The following NEBL variants were observed in gnomAD, a reference collection of about 807,000 sequenced individuals.
NEBL encodes the protein nebulette.
NEBL carries 122 observed loss-of-function variants against 140.2 expected under a neutral mutation model. The ratio of observed to expected loss-of-function variants is 0.87; its 90% confidence interval spans 0.75 to 1.01. The LOEUF is 1.01. NEBL is among the 50% of genes least tolerant of loss of function. NEBL has a pLI of 0.00. For synonymous variants in NEBL, 436 were observed against 398.9 expected, an observed-to-expected ratio of 1.09 and a Z score of -1.11; for missense variants, 1,365 against 1,231.3, an observed-to-expected ratio of 1.11 and a Z score of -1.62.
chr10:21,202,146 T>G (rs1440959066), intron 3 of NEBL, among the ~76,000 whole-genome samples: 1 of 152,132 alleles, frequency 6.6e-6, no homozygotes, highest in Admixed American at 6.5e-5. Flanking sequence ...ATCTGCCCTA[T>G]GCACCCCACA....
At chr10:21,044,578 GA>G (rs1381975703) in intron 2 of NEBL, among the ~76,000 whole-genome samples, 2 of 152,136 alleles carry the variant, frequency 1.3e-5, no homozygotes, top group East Asian at 3.9e-4. Flanking sequence ...TAAAAGAAGA[GA>G]AAATAAATTC....
chr10:21,140,789 CG>C (rs1471608513), intron 2 of NEBL, among the ~76,000 whole-genome samples: 1 of 151,796 alleles, frequency 6.6e-6, no homozygotes, highest in African/African-American at 2.4e-5. Context: ...GGGGGCCTGT[CG>C]GGGAGTGGAG....
At chr10:20,886,805 G>C (rs1465854264) in intron 4 of NEBL, among the ~76,000 whole-genome samples, 1 of 152,148 alleles carries the variant, frequency 6.6e-6, no homozygotes, top group Non-Finnish European at 1.5e-5. Flanking sequence ...GAAATGCATA[G>C]AACAACTTCT....
chr10:21,289,288 G>A (rs1190454590), intron 1 of NEBL, among the ~76,000 whole-genome samples: 5 of 152,158 alleles, frequency 3.3e-5, no homozygotes, highest in African/African-American at 1.2e-4. Context: ...AGCTGGGTAT[G>A]AGAGGAGCAA....
chr10:21,267,218 C>T (rs562997973), intron 1 of NEBL, among the ~76,000 whole-genome samples: 17 of 151,450 alleles, frequency 1.1e-4, no homozygotes, highest in East Asian at 3.9e-4. Context: ...TCAGGTGATC[C>T]GCCCACCTCG....
chr10:20,819,865 C>T (rs1014622339), intron 19 of NEBL, among the ~76,000 whole-genome samples: 1 of 152,096 alleles, frequency 6.6e-6, no homozygotes, highest in Non-Finnish European at 1.5e-5. Context: ...GCTGGGATTA[C>T]AGGTGTGAGC....
At chr10:21,042,562 A>G (rs1445751171) in intron 2 of NEBL, among the ~76,000 whole-genome samples, 1 of 152,234 alleles carries the variant, frequency 6.6e-6, no homozygotes, top group Non-Finnish European at 1.5e-5. Flanking sequence ...CATCTCTTGT[A>G]TCTGTAAGGG....
chr10:20,975,627 G>C (rs960695417), intron 3 of NEBL, among the ~76,000 whole-genome samples: 34 of 152,038 alleles, frequency 2.2e-4, no homozygotes, highest in African/African-American at 8.0e-4. Flanking sequence ...CGAAACCCAC[G>C]TCAAGATGAG....
At chr10:21,280,988 G>C (rs1365963688) in intron 1 of NEBL, among the ~76,000 whole-genome samples, 1 of 152,122 alleles carries the variant, frequency 6.6e-6, no homozygotes, top group African/African-American at 2.4e-5. Context: ...TGTATAGGAT[G>C]GTAGAGAAAT....
At chr10:21,122,927 G>A (rs1386860270) in intron 2 of NEBL, among the ~76,000 whole-genome samples, 1 of 152,154 alleles carries the variant, frequency 6.6e-6, no homozygotes, top group Admixed American at 6.5e-5. Flanking sequence ...AAGTTCTGTA[G>A]GATCAAGAAT....
At chr10:21,065,719 AGTCTTTAATCCT>A (rs972665693) in intron 2 of NEBL, among the ~76,000 whole-genome samples, 3 of 152,278 alleles carry the variant, frequency 2.0e-5, no homozygotes, top group Admixed American at 2.0e-4. Flanking sequence ...ACTCTATATT[AGTCTTTAATCCT>A]GCAGCTGAAA....
At chr10:20,873,723 T>C (rs1283622223) in intron 5 of NEBL, among the ~76,000 whole-genome samples, 2 of 152,182 alleles carry the variant, frequency 1.3e-5, no homozygotes, top group East Asian at 3.8e-4. Context: ...CTCATCTATT[T>C]CATTTATTTT....
At chr10:21,196,116 GC>G (rs2132221615) in intron 3 of NEBL, among the ~76,000 whole-genome samples, 1 of 152,116 alleles carries the variant, frequency 6.6e-6, no homozygotes, top group East Asian at 1.9e-4. Flanking sequence ...TGATTCTCCT[GC>G]CTCAGCCTCC....
At chr10:21,013,713 AC>A (rs1201293958) in intron 3 of NEBL, among the ~76,000 whole-genome samples, 1 of 152,192 alleles carries the variant, frequency 6.6e-6, no homozygotes, top group Non-Finnish European at 1.5e-5. Flanking sequence ...CCCCATCTCT[AC>A]TAAAAATACA....
In NEBL at chr10:20,941,199, C is replaced by T. The variant is rs370827941; in HGVS notation, c.357+20473G>A. ...GCAAAAATCCTCAATAAAATACTGG[C>T]AAACCAAATCCAGCAGCACTTCAAA... On this transcript the variant is annotated intron_variant, in intron 4 of 6. Coordinates refer to the NEBL transcript ENST00000417816. 1.8e-3 allele frequency among the ~76,000 whole-genome samples: 268 copies of T among 152,312 alleles called. 9 individuals are homozygous for T. The East Asian group carries it at 0.044, about 25-fold the overall frequency.
intron 2 of NEBL, among the ~76,000 whole-genome samples, chr10:21,119,484 A>T (rs61188943): frequency 1.4e-5 from 2 of 145,608 alleles, no homozygotes; most frequent in Non-Finnish European, 3.0e-5. Flanking sequence ...TAGTTATATT[A>T]ATATACTGAA....
intron 3 of NEBL, among the ~76,000 whole-genome samples, chr10:21,209,661 C>T (rs74123904): frequency 2.8e-3 from 351 of 124,042 alleles, no homozygotes; most frequent in Middle Eastern, 0.017. Context: ...TTTTTTTTTT[C>T]TTTTTTTTTT....
intron 22 of NEBL, among the ~76,000 whole-genome samples, chr10:20,814,723 A>C (rs1006425839): frequency 2.6e-5 from 4 of 152,070 alleles, no homozygotes; most frequent in Non-Finnish European, 5.9e-5. Flanking sequence ...TAAATTTCCC[A>C]ATTTTCTACC....
chr10:21,216,738 T>C (rs896565747), intron 3 of NEBL, among the ~76,000 whole-genome samples: 3 of 148,468 alleles, frequency 2.0e-5, no homozygotes, highest in African/African-American at 7.6e-5. Context: ...ACCACTGCAC[T>C]CTAGGCTGGG....
Sources: gnomAD v4.1 joint callset for allele counts (sites outside exome capture counted in the v4.1 genomes callset) on GRCh38, gnomAD v4.1.1 for gene constraint, MANE v1.5 for transcripts, NCBI Gene and HGNC (gene_info 2026-07-23, HGNC 2026-07-21) for gene names.